The following RPS6KA5 variants were observed in gnomAD, a reference collection of about 807,000 sequenced individuals.
RPS6KA5 encodes ribosomal protein S6 kinase A5.
Under a neutral mutation model 85.5 loss-of-function variants are expected in RPS6KA5, and 27 were observed. The ratio of observed to expected loss-of-function variants is 0.32; its 90% CI spans 0.23 to 0.44. The LOEUF (loss-of-function observed/expected upper bound fraction) is 0.44. Ranked by LOEUF, RPS6KA5 falls within the 20% of genes least tolerant of loss-of-function variation. RPS6KA5 has a pLI of 1.00. For synonymous variants in RPS6KA5, 334 were observed against 348.2 expected, an observed-to-expected ratio of 0.96 and a Z score of 0.46; for missense variants, 811 against 980.9, an observed-to-expected ratio of 0.83 and a Z score of 2.31.
chr14:90,996,755 T>C (rs1032060124), intron 2 of RPS6KA5, among the ~76,000 whole-genome samples: 1 of 152,136 alleles, frequency 6.6e-6, no homozygotes, highest in African/African-American at 2.4e-5. Flanking sequence ...CTCTAAAGCA[T>C]GGAAAGTCAG....
intron 16 of RPS6KA5, 40 bp downstream of exon 16, chr14:90,873,592 T>C (rs1566673621): frequency 6.5e-7 from 1 of 1,547,680 alleles, no homozygotes; most frequent in Non-Finnish European, 8.8e-7. Flanking sequence ...TTATGATTCC[T>C]ACTCAAACCG....
Position 90,881,811 on chromosome 14 carries a change from T to C in RPS6KA5, c.1837-6451A>G, listed in dbSNP as rs924912004. Among the ~76,000 whole-genome samples, 8 of 152,190 alleles carry C rather than the reference T, an allele frequency of 5.3e-5. 1 individual carries two copies. The highest frequency in any genetic ancestry group is 4.1e-4 in the South Asian group (2 of 4,826). The stretch of plus-strand genomic sequence containing the variant: ...CCACTGCACTCAGCCCTGATCTCTT[T>C]TGGTTACTATTTGCATGGAATATCT... On this transcript the variant is annotated intron_variant, in intron 14 of 16. Coordinates refer to ENST00000614987, the MANE Select transcript of RPS6KA5 (RefSeq NM_004755.4).
chr14:90,878,827 A>G (rs2033644853), intron 14 of RPS6KA5, among the ~76,000 whole-genome samples: 1 of 152,182 alleles, frequency 6.6e-6, no homozygotes, highest in African/African-American at 2.4e-5. Context: ...GAAATTTATC[A>G]AGTGACTCGG....
chr14:90,895,628 T>C (rs763796607), intron 12 of RPS6KA5, among the ~76,000 whole-genome samples: 1 of 152,028 alleles, frequency 6.6e-6, no homozygotes, highest in African/African-American at 2.4e-5. Context: ...CAAAGGGCTA[T>C]AGATCCCAGC....
chr14:91,060,605 C>A lies in RPS6KA5; in HGVS notation c.-171G>T. On this transcript the variant is annotated 5_prime_UTR_variant, in exon 1 of 17. Transcript: ENST00000614987. ...CGCTCTGGCCGCACGGCTCGCTCCT[C>A]GCCTCCTCCCCCTTCGGCGGGCACC... 1 of 906,248 alleles carries A rather than the reference C, an allele frequency of 1.1e-6. No homozygotes were observed. The highest frequency in any genetic ancestry group is 1.4e-6 in the Non-Finnish European group (1 of 689,720). 56.1% of individuals were successfully genotyped at this position (906,248 alleles called of 1,614,324 possible). A position where few individuals can be genotyped will look rare whatever the true frequency, so the allele number is the denominator to read the frequency against.
At chr14:91,035,180 G>T (rs1252326254) in intron 1 of RPS6KA5, among the ~76,000 whole-genome samples, 2 of 150,420 alleles carry the variant, frequency 1.3e-5, no homozygotes. Flanking sequence ...AAGTCTGCCT[G>T]ATTTCACATC....
intron 5 of RPS6KA5, among the ~76,000 whole-genome samples, chr14:90,942,441 A>G (rs2037622052): frequency 6.6e-6 from 1 of 152,244 alleles, no homozygotes; most frequent in African/African-American, 2.4e-5. Flanking sequence ...TATTACAACC[A>G]TTACATAAAC....
intron 5 of RPS6KA5, among the ~76,000 whole-genome samples, chr14:90,923,998 C>A (rs888190990): frequency 6.6e-6 from 1 of 152,080 alleles, no homozygotes; most frequent in Non-Finnish European, 1.5e-5. Context: ...TTTCTTCTAC[C>A]TTTTCCAAGT....
Position 90,905,462 on chromosome 14 carries a change from C to T in RPS6KA5, c.957+687G>A, listed in dbSNP as rs146057894. 9.3e-3 allele frequency among the ~76,000 whole-genome samples: 1,410 copies of T among 152,250 alleles called. 14 individuals are homozygous for T. Among genetic ancestry groups the T allele is most frequent in the Middle Eastern group, 0.037 (11 of 294 alleles). On this transcript the variant is annotated intron_variant, in intron 8 of 16. Transcript: ENST00000614987. ...CAAAGCCGTGGCATCCCCAGTTTGA[C>T]GACTGAGGCTGGAAATAACTAGCCA...
intron 5 of RPS6KA5, among the ~76,000 whole-genome samples, chr14:90,937,448 T>A (rs1177648739): frequency 6.6e-6 from 1 of 152,118 alleles, no homozygotes. Context: ...CATCTCCCCA[T>A]TTTTAAAATT....
chr14:90,955,531 A>G, intron 3 of RPS6KA5, among the ~76,000 whole-genome samples: 1 of 152,112 alleles, frequency 6.6e-6, no homozygotes, highest in East Asian at 1.9e-4. Flanking sequence ...TTAGGAGTAC[A>G]TTGTTTCCTA....
intron 2 of RPS6KA5, among the ~76,000 whole-genome samples, chr14:90,987,252 G>A (rs796928931): frequency 3.9e-5 from 6 of 152,098 alleles, no homozygotes; most frequent in East Asian, 3.9e-4. Context: ...ATTTTAATAC[G>A]GATACTTTCC....
chr14:90,904,356 T>A (rs1394853645), intron 8 of RPS6KA5, among the ~76,000 whole-genome samples: 3 of 152,212 alleles, frequency 2.0e-5, no homozygotes, highest in Non-Finnish European at 4.4e-5. Context: ...AATAATTAAA[T>A]CACAGATCTT....
intron 13 of RPS6KA5, chr14:90,894,137 C>A: frequency 9.4e-7 from 1 of 1,064,344 alleles, no homozygotes. Flanking sequence ...ATTTTTAGTC[C>A]ACAACTGTTG....
chr14:90,925,571 A>G (rs1415669680), intron 5 of RPS6KA5, among the ~76,000 whole-genome samples: 1 of 152,124 alleles, frequency 6.6e-6, no homozygotes, highest in Non-Finnish European at 1.5e-5. Context: ...TATTCTCACA[A>G]CTTAGCCTGC....
chr14:90,940,682 G>T (rs1336069570), intron 5 of RPS6KA5, among the ~76,000 whole-genome samples: 2 of 151,916 alleles, frequency 1.3e-5, no homozygotes, highest in African/African-American at 4.8e-5. Flanking sequence ...CTAGCACATG[G>T]GCCCCTAACC....
At chr14:90,982,210 A>G (rs1431386993) in intron 2 of RPS6KA5, among the ~76,000 whole-genome samples, 1 of 152,136 alleles carries the variant, frequency 6.6e-6, no homozygotes, top group Non-Finnish European at 1.5e-5. Flanking sequence ...GTGTGCCCTG[A>G]CATTATTAGA....
Position 90,849,309 on chromosome 14 carries a change from G to A in RPS6KA5, c.*22765C>T, listed in dbSNP as rs2031870112. On this transcript the variant is annotated 3_prime_UTR_variant, in exon 17 of 17. Transcript: ENST00000614987. ...TGGAAACAAAGTTTTGGCCAGAGATGAACACGCACCCATATGTCTGAAGAC... is the reference window on the plus strand; with the variant it reads ...TGGAAACAAAGTTTTGGCCAGAGATAAACACGCACCCATATGTCTGAAGAC... The A allele has an allele frequency of 6.6e-6, 1 of 152,224 alleles. No homozygotes were observed. The allele number at this position is 152,224 out of a possible 1,614,324, so 9.4% of individuals were successfully genotyped here. A position where few individuals can be genotyped will look rare whatever the true frequency, so the allele number is the denominator to read the frequency against.
chr14:90,984,587 A>G (rs1195256849), intron 2 of RPS6KA5, among the ~76,000 whole-genome samples: 1 of 152,238 alleles, frequency 6.6e-6, no homozygotes, highest in African/African-American at 2.4e-5. Flanking sequence ...TAATGATTTC[A>G]GTGGCTTGAC....
Sources: allele counts gnomAD v4.1 joint callset (sites outside exome capture counted in the v4.1 genomes callset), GRCh38; gene constraint gnomAD v4.1.1; transcripts MANE v1.5; gene names NCBI Gene and HGNC (gene_info 2026-07-23, HGNC 2026-07-21).